ELL3: variants seen among roughly 807,000 people sequenced by gnomAD.
The protein encoded by ELL3 is RNA polymerase II elongation factor ELL3.
A neutral mutation model predicts 58.5 loss-of-function variants in ELL3; 48 were observed. The ratio of observed to expected loss-of-function variants is 0.82; its 90% CI spans 0.65 to 1.04. ELL3 has a LOEUF of 1.04. ELL3 is among the 50% of genes least tolerant of loss of function. The pLI is 0.00. For synonymous variants in ELL3, 174 were observed against 173.2 expected, an observed-to-expected ratio of 1.00 and a Z score of -0.04; for missense variants, 458 against 478.4, an observed-to-expected ratio of 0.96 and a Z score of 0.40.
Position 43,776,108 on chromosome 15 carries a change from A to T in ELL3, c.212T>A (p.Phe71Tyr). 6.2e-7 allele frequency: 1 copy of T among 1,614,172 alleles called. No individual in the cohort carries two copies. Among genetic ancestry groups the T allele is most frequent in the Non-Finnish European group, 8.5e-7 (1 of 1,180,022 alleles). Residue 71 changes from phenylalanine (F) to tyrosine (Y), a missense_variant, in exon 3 of 11, where the codon TTC (phenylalanine) becomes TAC (tyrosine). Physicochemically the swap from Phe to Tyr is conservative, Grantham distance 22 (BLOSUM62 3). Coordinates refer to ENST00000319359, the MANE Select transcript of ELL3 (RefSeq NM_025165.3). The stretch of plus-strand genomic sequence containing the variant: ...CTCCTGACAACACTGGGACACTATG[A>T]AGGAGAAGAGGCAGGACCAACCAGG... ...PGPGWSCLFSFIVSQCCQEGA... is the reference protein window; with the variant it reads ...PGPGWSCLFSYIVSQCCQEGA...
intron 9 of ELL3, 114 bp downstream of exon 9, chr15:43,774,068 A>G (rs2086897288): frequency 2.9e-6 from 4 of 1,374,490 alleles, no homozygotes; most frequent in Non-Finnish European, 4.0e-6. Context: ...TTTTCCCTTC[A>G]AACAGGTTTC....
At position 43,775,299 on chromosome 15, in the gene ELL3, A is replaced by T. The variant is rs2086906029; in HGVS notation, c.645+7T>A. 1 of 1,595,826 alleles carries T rather than the reference A, an allele frequency of 6.3e-7. No homozygotes were observed. Among genetic ancestry groups the T allele is most frequent in the Non-Finnish European group, 8.5e-7 (1 of 1,171,412 alleles). ...ACAAAAAAAAAGCCCTTGCCATTCT[A>T]ACTTACCTTGTCCAGACGTTTCCGG... On this transcript the variant is annotated splice_region_variant and intron_variant, in intron 6 of 10. Coordinates refer to ENST00000319359, the MANE Select transcript of ELL3 (RefSeq NM_025165.3).
rs766739456 is a variant in ELL3, at chr15:43,775,537, T to G, written c.557A>C (p.Gln186Pro). The G allele has an allele frequency of 3.7e-6, 6 of 1,614,098 alleles. No homozygotes were observed. Among genetic ancestry groups the G allele is most frequent in the Non-Finnish European group, 5.1e-6 (6 of 1,180,048 alleles). Residue 186 changes from glutamine (Q) to proline (P), a missense_variant, in exon 5 of 11, where the codon CAG becomes CCG. Coordinates refer to ENST00000319359, the MANE Select transcript of ELL3 (RefSeq NM_025165.3). ...LPGSSREHMAQWEVRSQTHVP... is the reference protein window; with the variant it reads ...LPGSSREHMAPWEVRSQTHVP... Reference sequence around the variant, plus strand: ...CCATCCAAAGTACCTCACTTCCCACTGTGCCATGTGCTCCCTTGAGGATCC... The same window carrying G: ...CCATCCAAAGTACCTCACTTCCCACGGTGCCATGTGCTCCCTTGAGGATCC...
In ELL3 at chr15:43,774,356, G is replaced by A; in HGVS notation, c.867-3C>T. The A allele has an allele frequency of 6.2e-7, 1 of 1,614,052 alleles. No homozygotes were observed. Among genetic ancestry groups the A allele is most frequent in the Non-Finnish European group, 8.5e-7 (1 of 1,179,928 alleles). On this transcript the variant is annotated splice_polypyrimidine_tract_variant and splice_region_variant and intron_variant, in intron 8 of 10. Coordinates refer to ENST00000319359, the MANE Select transcript of ELL3 (RefSeq NM_025165.3). Reference sequence around the variant, plus strand: ...CACTGTGGATGGCCCTGTATTGCCTGCCAGGAGCAGAGAGTTGTCACCTTC... The same window carrying A: ...CACTGTGGATGGCCCTGTATTGCCTACCAGGAGCAGAGAGTTGTCACCTTC...
In ELL3 at chr15:43,774,593, C is replaced by A; in HGVS notation, c.823+3G>T. The A allele has an allele frequency of 6.2e-7, 1 of 1,613,938 alleles. No individual in the cohort carries two copies. On this transcript the variant is annotated splice_donor_region_variant and intron_variant, in intron 7 of 10. Transcript: ENST00000319359. Reference sequence around the variant, plus strand: ...CATTTTTACCCTCCTCTCATTAACTCACCTTCTTGAACTGAGGAACTGTGT... The same window carrying A: ...CATTTTTACCCTCCTCTCATTAACTAACCTTCTTGAACTGAGGAACTGTGT...
chr15:43,776,291 C>G, intron 2 of ELL3, 140 bp from the exon 3 acceptor site: 1 of 1,089,546 alleles, frequency 9.2e-7, no homozygotes, highest in East Asian at 2.6e-5. Context: ...GCAGCTGGGC[C>G]TGAGTTCCCC....
intron 2 of ELL3, 81 bp from the exon 3 acceptor site, chr15:43,776,232 C>G (rs1229804491): frequency 1.5e-6 from 2 of 1,343,712 alleles, no homozygotes; most frequent in African/African-American, 2.9e-5. Flanking sequence ...GGAGCCAGTC[C>G]GTAAGTAAGA....
Position 43,776,555 on chromosome 15 carries a change from A to G in ELL3, c.133-11T>C, listed in dbSNP as rs2086919140. 6.4e-7 allele frequency: 1 copy of G among 1,565,346 alleles called. No individual in the cohort carries two copies. The highest frequency in any genetic ancestry group is 1.7e-4 in the Middle Eastern group (1 of 6,004). On this transcript the variant is annotated splice_polypyrimidine_tract_variant and intron_variant, in intron 1 of 10. Transcript: ENST00000319359. The stretch of plus-strand genomic sequence containing the variant: ...AATCACCGGCCGTACCTGCGGGGAG[A>G]GCGAAGATGTGACCGTTGAGCGCAG...
At chr15:43,773,494 T>G in intron 9 of ELL3, 146 bp from the exon 10 acceptor site, 1 of 810,814 alleles carries the variant, frequency 1.2e-6, no homozygotes. Flanking sequence ...CCATCCTGGC[T>G]AACACAGTGA....
At position 43,773,287 on chromosome 15, in the gene ELL3, C is replaced by G; in HGVS notation, c.1083+17G>C. Reference sequence around the variant, plus strand: ...ATTCTCATTCTACCTTGCTTCCGTTCCCAGACCTTGTCTTACCTTCCTGAA... The same window carrying G: ...ATTCTCATTCTACCTTGCTTCCGTTGCCAGACCTTGTCTTACCTTCCTGAA... On this transcript the variant is annotated intron_variant, in intron 10 of 10. Transcript: ENST00000319359. 2 of 1,614,144 alleles carry G rather than the reference C, an allele frequency of 1.2e-6. No individual in the cohort carries two copies. Among genetic ancestry groups the G allele is most frequent in the Non-Finnish European group, 1.7e-6 (2 of 1,180,026 alleles).
Position 43,776,165 on chromosome 15 carries a change from G to C in ELL3, c.169-14C>G. 1 of 1,608,574 alleles carries C rather than the reference G, an allele frequency of 6.2e-7. No individual in the cohort carries two copies. Among genetic ancestry groups the C allele is most frequent in the Admixed American group, 1.7e-5 (1 of 59,944 alleles). ...GAGTCTCAGATACTGGGGGTGGAAG[G>C]AGACGGTAAGCCCCATGAAGTCAGC... On this transcript the variant is annotated splice_polypyrimidine_tract_variant and intron_variant, in intron 2 of 10. Transcript: ENST00000319359.
chr15:43,776,242 A>G (rs1329987275), intron 2 of ELL3, 91 bp from the exon 3 acceptor site: 2 of 1,273,646 alleles, frequency 1.6e-6, no homozygotes, highest in African/African-American at 1.5e-5. Flanking sequence ...CGTAAGTAAG[A>G]CTAAGACGGG....
At chr15:43,774,003 A>C (rs569224819) in intron 9 of ELL3, among the ~76,000 whole-genome samples, 179 bp downstream of exon 9, 28 of 152,170 alleles carry the variant, frequency 1.8e-4, no homozygotes, top group East Asian at 1.2e-3. Flanking sequence ...CTGTCCCCCC[A>C]AAAAAAGAAG....
intron 2 of ELL3, 135 bp downstream of exon 2, chr15:43,776,374 T>G: frequency 7.1e-7 from 1 of 1,410,700 alleles, no homozygotes; most frequent in Non-Finnish European, 9.8e-7. Flanking sequence ...CTCGCCCCAC[T>G]TGGAGTTCAG....
intron 1 of ELL3, 43 bp from the exon 2 acceptor site, chr15:43,776,587 C>A: frequency 6.4e-7 from 1 of 1,558,364 alleles, no homozygotes; most frequent in Non-Finnish European, 8.7e-7. Context: ...GCAGGTGAAG[C>A]AGTGTCCCCA....
rs990536663 is a variant in ELL3, at chr15:43,774,654, C to T, written c.765G>A (p.Trp255Ter). 1.1e-5 allele frequency: 17 copies of T among 1,614,026 alleles called. No homozygotes were observed. The highest frequency in any genetic ancestry group is 1.3e-5 in the Non-Finnish European group (15 of 1,180,034). Residue 255 changes from tryptophan (W) to a stop codon, truncating the protein, a stop_gained, in exon 7 of 11, where the codon TGG becomes TGA. Transcript: ENST00000319359. LOFTEE classifies it high-confidence loss of function. ...GGTCCATGTCCTCATCTTCTTGCTC[C>T]CAATCTTCTCCCTCTTGTAAATCCT... ...TNQDLQEGEDWEQEDEDMDPR... is the reference protein window; with the variant it reads ...TNQDLQEGED
chr15:43,776,416 G>C (rs2141662898), intron 2 of ELL3, 93 bp downstream of exon 2: 1 of 1,535,286 alleles, frequency 6.5e-7, no homozygotes, highest in Non-Finnish European at 8.8e-7. Flanking sequence ...GTGACTACTC[G>C]CAGCCTCCGG....
rs1165999488 is a variant in ELL3, at chr15:43,775,511, C to T, written c.569+14G>A. 1 of 1,614,020 alleles carries T rather than the reference C, an allele frequency of 6.2e-7. No homozygotes were observed. The highest frequency in any genetic ancestry group is 1.3e-5 in the African/African-American group (1 of 75,024). ...CCAAAGCTTCCCATGTTAGTCCCAC[C>T]CCATCCAAAGTACCTCACTTCCCAC... On this transcript the variant is annotated intron_variant, in intron 5 of 10. Coordinates refer to ENST00000319359, the MANE Select transcript of ELL3 (RefSeq NM_025165.3).
Position 43,774,341 on chromosome 15 carries a change from G to A in ELL3, c.879C>T (p.Ala293=). 3 of 1,614,142 alleles carry A rather than the reference G, an allele frequency of 1.9e-6. No individual in the cohort carries two copies. The highest frequency in any genetic ancestry group is 2.5e-6 in the Non-Finnish European group (3 of 1,179,994). Residue 293 remains alanine, a synonymous_variant, in exon 9 of 11, where the codon GCC becomes GCT. Transcript: ENST00000319359. The part of the protein sequence containing the change: ...DIPDYLLQYR[A]IHSAEQQHAY... Reference sequence around the variant, plus strand: ...CATGTTGCTGTTCTGCACTGTGGATGGCCCTGTATTGCCTGCCAGGAGCAG... The same window carrying A: ...CATGTTGCTGTTCTGCACTGTGGATAGCCCTGTATTGCCTGCCAGGAGCAG...
Sources: allele counts gnomAD v4.1 joint callset (sites outside exome capture counted in the v4.1 genomes callset), GRCh38; gene constraint gnomAD v4.1.1; transcripts MANE v1.5; gene names NCBI Gene and HGNC (gene_info 2026-07-23, HGNC 2026-07-21).